SARS2: variants seen among roughly 807,000 people sequenced by gnomAD.
The protein encoded by SARS2 is serine--tRNA ligase, mitochondrial.
Under a neutral mutation model 66.8 loss-of-function variants are expected in SARS2, and 52 were observed. The ratio of observed to expected loss-of-function variants is 0.78; its 90% CI spans 0.62 to 0.98. The LOEUF is 0.98. Ranked by LOEUF, SARS2 falls within the 50% of genes least tolerant of loss-of-function variation. SARS2 has a pLI of 0.00. For missense variants in SARS2, 673 were observed against 706.3 expected, an observed-to-expected ratio of 0.95 and a Z score of 0.53; for synonymous variants, 306 against 281.4, an observed-to-expected ratio of 1.09 and a Z score of -0.87.
In SARS2 at chr19:38,920,090, G is replaced by T. The variant is rs1317845362; in HGVS notation, c.649C>A (p.Gln217Lys). Residue 217 changes from glutamine (Q) to lysine (K), a missense_variant, in exon 6 of 16, where the codon CAG (glutamine) becomes AAG (lysine). Gln to Lys is a moderately conservative substitution (Grantham distance 53). Transcript: ENST00000221431. Reference protein sequence around the residue: ...EIGEKLDIIRQKRLSHVSGHR... With the variant: ...EIGEKLDIIRKKRLSHVSGHR... The stretch of plus-strand genomic sequence containing the variant: ...GGAGCCAGGGGAGGGGCTCACTTCT[G>T]ACGGATGATGTCGAGTTTCTCGCCA... 1.3e-6 allele frequency: 2 copies of T among 1,560,038 alleles called. No individual in the cohort carries two copies. Among genetic ancestry groups the T allele is most frequent in the South Asian group, 2.4e-5 (2 of 84,606 alleles).
chr19:38,920,388 A>G (rs1974498673), intron 5 of SARS2, among the ~76,000 whole-genome samples: 1 of 151,540 alleles, frequency 6.6e-6, no homozygotes, highest in South Asian at 2.1e-4. Flanking sequence ...AGAGGGAAAT[A>G]AGAGGGCGCG....
chr19:38,927,312 C>A (rs2163811), intron 1 of SARS2, among the ~76,000 whole-genome samples: 8,637 of 151,822 alleles, frequency 0.057, 766 homozygotes, highest in African/African-American at 0.19. Context: ...AAAATTGTTA[C>A]AATGTACATA....
chr19:38,923,088 G>A (rs1038092322), intron 2 of SARS2, among the ~76,000 whole-genome samples: 8 of 149,900 alleles, frequency 5.3e-5, no homozygotes, highest in African/African-American at 9.8e-5. Flanking sequence ...TGTATTTTTC[G>A]TAGAGACAAG....
In SARS2 at chr19:38,922,260, T is replaced by C; in HGVS notation, c.371A>G (p.Gln124Arg). ...TEAVRALLAN[Q>R]DSGEVQQDPK... Reference sequence around the variant, plus strand: ...TACCTGCTGCACTTCACCACTGTCCTGGTTTGCCTGGTAGAAAAGAGACAG... The same window carrying C: ...TACCTGCTGCACTTCACCACTGTCCCGGTTTGCCTGGTAGAAAAGAGACAG... Residue 124 changes from glutamine (Q) to arginine (R), a missense_variant, in exon 3 of 16, where the codon CAG (glutamine) becomes CGG (arginine). Physicochemically the swap from Gln to Arg is conservative, Grantham distance 43. Coordinates refer to ENST00000221431, the MANE Select transcript of SARS2 (RefSeq NM_017827.4). 6.2e-7 allele frequency: 1 copy of C among 1,614,066 alleles called. No homozygotes were observed. The highest frequency in any genetic ancestry group is 8.5e-7 in the Non-Finnish European group (1 of 1,180,000).
intron 1 of SARS2, 106 bp downstream of exon 1, chr19:38,930,364 C>A: frequency 7.0e-7 from 1 of 1,421,718 alleles, no homozygotes; most frequent in Non-Finnish European, 9.4e-7. Context: ...TGGGAAATAA[C>A]TAAAATTCCT....
Position 38,921,526 on chromosome 19 carries a change from CCA to C in SARS2, c.533_534del (p.Val178AlafsTer5). 1 of 1,614,152 alleles carries C rather than the reference CCA, an allele frequency of 6.2e-7. No homozygotes were observed. Among genetic ancestry groups the C allele is most frequent in the Non-Finnish European group, 8.5e-7 (1 of 1,179,986 alleles). The stretch of plus-strand genomic sequence containing the variant: ...TCCCTGCCACCCAGCACGGTGCTCA[CCA>C]CGTCTGGGTGGGTCTGGTTGGGCAG... ...LKLPNQTHPD[V>X]PVGDESQARV... On this transcript the variant is annotated frameshift_variant and splice_region_variant, in exon 4 of 16. Transcript: ENST00000221431. LOFTEE classifies it high-confidence loss of function.
chr19:38,930,566 C>G lies in SARS2; in HGVS notation c.171G>C (p.Gln57His). 1.9e-6 allele frequency: 3 copies of G among 1,613,952 alleles called. No homozygotes were observed. The highest frequency in any genetic ancestry group is 2.5e-6 in the Non-Finnish European group (3 of 1,180,018). ...YAREGYSALPQLDIERFCACP... is the reference protein window; with the variant it reads ...YAREGYSALPHLDIERFCACP... ...ATGCGCAGAACCGCTCTATGTCCAGCTGAGGGAGTGCGCTGTAGCCCTCGC... is the reference window on the plus strand; with the variant it reads ...ATGCGCAGAACCGCTCTATGTCCAGGTGAGGGAGTGCGCTGTAGCCCTCGC... The change falls in exon 1 of 16, where the codon CAG (glutamine) becomes CAC (histidine). Residue 57 changes from glutamine (Q) to histidine (H), a missense_variant. Transcript: ENST00000221431.
chr19:38,921,827 A>G (rs918351081), intron 3 of SARS2, 160 bp from the exon 4 acceptor site: 37 of 1,317,172 alleles, frequency 2.8e-5, no homozygotes, highest in African/African-American at 1.3e-4. Flanking sequence ...TTACCACCAC[A>G]TGGCAGGTTT....
chr19:38,918,933 G>A (rs1974469441), intron 7 of SARS2, 120 bp from the exon 8 acceptor site: 1 of 964,098 alleles, frequency 1.0e-6, no homozygotes, highest in Admixed American at 2.1e-5. Flanking sequence ...GCAGGGGCTG[G>A]CGCAGTGGCT....
chr19:38,926,066 T>C (rs1974621608), intron 2 of SARS2, 139 bp downstream of exon 2: 5 of 742,872 alleles, frequency 6.7e-6, no homozygotes, highest in South Asian at 4.4e-5. Context: ...TCCACCAACC[T>C]AGGCCTCCCG....
rs1235806853 is a variant in SARS2, at chr19:38,917,804, C to T, written c.1080G>A (p.Gly360=). 1.2e-6 allele frequency: 2 copies of T among 1,614,038 alleles called. No individual in the cohort carries two copies. Among genetic ancestry groups the T allele is most frequent in the Non-Finnish European group, 1.7e-6 (2 of 1,180,010 alleles). Residue 360 remains glycine (G), a synonymous_variant, in exon 12 of 16, where the codon GGG becomes GGA. Transcript: ENST00000221431. ...KVEMFGVTGP[G]LEQSSQLLEE... The stretch of plus-strand genomic sequence containing the variant: ...CCAGCAGCTGTGAGCTCTGCTCCAG[C>T]CCAGGGCCTGTCACCCCAAACATCT...
chr19:38,929,330 G>C (rs982546317), intron 1 of SARS2, among the ~76,000 whole-genome samples: 5 of 151,312 alleles, frequency 3.3e-5, no homozygotes, highest in African/African-American at 1.2e-4. Flanking sequence ...CAGGGTGGGA[G>C]GATCACTTGG....
At chr19:38,920,058 G>A (rs1974491589) in intron 6 of SARS2, 28 bp downstream of exon 6, 2 of 1,549,126 alleles carry the variant, frequency 1.3e-6, no homozygotes, top group Non-Finnish European at 1.8e-6. Context: ...CTGGGAGAGG[G>A]GCGTGGGGAG....
rs776511124 is a variant in SARS2 at position 38,917,712 on chromosome 19, C to T, written c.1160+12G>A. On this transcript the variant is annotated intron_variant, in intron 12 of 15. Transcript: ENST00000221431. ...CCCCTGCCATCCCTGGATCCCTGGCCCCTCTCCACACCGGAAGTGCAAGCC... is the reference window on the plus strand; with the variant it reads ...CCCCTGCCATCCCTGGATCCCTGGCTCCTCTCCACACCGGAAGTGCAAGCC... 2 of 1,540,824 alleles carry T rather than the reference C, an allele frequency of 1.3e-6. No individual in the cohort carries two copies. Among genetic ancestry groups the T allele is most frequent in the African/African-American group, 1.4e-5 (1 of 73,130 alleles).
intron 5 of SARS2, among the ~76,000 whole-genome samples, chr19:38,920,910 T>TAC (rs1012597533): frequency 7.6e-6 from 1 of 130,910 alleles, no homozygotes; most frequent in African/African-American, 2.9e-5. Flanking sequence ...AACACAGATA[T>TAC]ACACACACAG....
At chr19:38,921,298 G>T in intron 5 of SARS2, 94 bp downstream of exon 5, 1 of 1,325,534 alleles carries the variant, frequency 7.5e-7, no homozygotes, top group Non-Finnish European at 1.1e-6. Context: ...CCAGGCTCCA[G>T]ACATGTTCCC....
chr19:38,923,817 A>G (rs963603116), intron 2 of SARS2, among the ~76,000 whole-genome samples: 9 of 151,838 alleles, frequency 5.9e-5, no homozygotes, highest in African/African-American at 2.2e-4. Flanking sequence ...AAAAATACAG[A>G]AAAAAAATTA....
chr19:38,930,440 G>A, intron 1 of SARS2, 30 bp downstream of exon 1: 1 of 1,577,366 alleles, frequency 6.3e-7, no homozygotes, highest in African/African-American at 1.4e-5. Flanking sequence ...GCAAACGTCT[G>A]CGCCCCCCGG....
intron 12 of SARS2, among the ~76,000 whole-genome samples, chr19:38,917,291 A>G (rs942306407): frequency 1.3e-5 from 2 of 152,250 alleles, no homozygotes; most frequent in Admixed American, 6.5e-5. Context: ...TGGGTCACCC[A>G]GAAAAGAAGT....
Sources: allele counts gnomAD v4.1 joint callset (sites outside exome capture counted in the v4.1 genomes callset), GRCh38; gene constraint gnomAD v4.1.1; transcripts MANE v1.5; gene names NCBI Gene and HGNC (gene_info 2026-07-23, HGNC 2026-07-21).